PLCH1: variants seen among roughly 807,000 people sequenced by gnomAD.
PLCH1 encodes phospholipase C eta 1.
In PLCH1, 60 loss-of-function variants were observed where a neutral mutation model predicts 126.7. That is an observed-to-expected ratio of 0.47 (90% CI 0.38 to 0.59). PLCH1 has a LOEUF of 0.59. PLCH1 is among the 20% of genes least tolerant of loss of function. The pLI, the probability that PLCH1 is intolerant of heterozygous loss-of-function variation, is 0.00. For missense variants in PLCH1, 1,723 were observed against 2,040.0 expected, an observed-to-expected ratio of 0.84 and a Z score of 2.99; for synonymous variants, 719 against 734.9, an observed-to-expected ratio of 0.98 and a Z score of 0.35.
rs144395061 is a variant in PLCH1, at chr3:155,482,521, T to G, written c.3505A>C (p.Ile1169Leu). The G allele has an allele frequency of 4.3e-5, 69 of 1,614,130 alleles. No homozygotes were observed. Among genetic ancestry groups the G allele is most frequent in the Non-Finnish European group, 5.3e-5 (63 of 1,179,984 alleles). The change falls in exon 23 of 23, where the codon ATT (isoleucine) becomes CTT (leucine). Residue 1169 changes from isoleucine (I) to leucine (L), a missense_variant. This residue lies in a region of PLCH1 where 947 missense variants were observed against 977.1 expected (regional missense o/e 0.97). Coordinates refer to ENST00000460012, the MANE Select transcript of PLCH1 (RefSeq NM_014996.4). The part of the protein sequence containing the change: ...HSTAILQESV[I>L]SHLIDNVTLT... ...GTGACATTGTCAATAAGATGGGAAA[T>G]TACACTCTCCTGCAGAATTGCAGTT...
chr3:155,503,790 G>C (rs113434409), intron 13 of PLCH1, among the ~76,000 whole-genome samples: 1,838 of 152,278 alleles, frequency 0.012, 31 homozygotes, highest in African/African-American at 0.042. Context: ...CACCCACCAA[G>C]GCCTCCCAAA....
intron 2 of PLCH1, among the ~76,000 whole-genome samples, chr3:155,660,945 C>T (rs1742060388): frequency 6.6e-6 from 1 of 152,170 alleles, no homozygotes; most frequent in African/African-American, 2.4e-5. Flanking sequence ...GCTGAAATAC[C>T]TATCTGCCTG....
rs191351390 is a variant in PLCH1, at chr3:155,624,708, G to A, written c.80-28330C>T. 1.6e-4 allele frequency among the ~76,000 whole-genome samples: 24 copies of A among 152,206 alleles called. No homozygotes were observed. The East Asian group carries it at 4.3e-3, about 27-fold the overall frequency. On this transcript the variant is annotated intron_variant, in intron 2 of 22. Transcript: ENST00000460012. ...AAGGGATGTGAAGGACCTCTTCAAGGAGAACTACAAACCACCGCTCAAGGA... is the reference window on the plus strand; with the variant it reads ...AAGGGATGTGAAGGACCTCTTCAAGAAGAACTACAAACCACCGCTCAAGGA...
chr3:155,490,670 A>T (rs151325994), intron 19 of PLCH1, 114 bp downstream of exon 19: 1 of 621,574 alleles, frequency 1.6e-6, no homozygotes, highest in East Asian at 2.7e-5. Flanking sequence ...ATAAACTCAG[A>T]TGGGAGTTAC....
intron 1 of PLCH1, among the ~76,000 whole-genome samples, chr3:155,721,965 T>C (rs998435554): frequency 6.6e-6 from 1 of 151,996 alleles, no homozygotes; most frequent in Non-Finnish European, 1.5e-5. Context: ...GAGAACTGCT[T>C]GAACCTGGGA....
chr3:155,508,991 T>C lies in PLCH1; in HGVS notation c.1633-4365A>G, dbSNP rs1007975439. ...TGTGAATCCATCTGGTCCTGGACTC[T>C]TTTTGGTTGGTAAACTATTGATTAT... On this transcript the variant is annotated intron_variant, in intron 12 of 22. Transcript: ENST00000460012. 5.6e-5 allele frequency among the ~76,000 whole-genome samples: 7 copies of C among 125,274 alleles called. 1 individual carries two copies. The highest frequency in any genetic ancestry group is 8.1e-5 in the Non-Finnish European group (5 of 61,864). 82.2% of individuals were successfully genotyped at this position (125,274 alleles called of 152,430 possible). A position where few individuals can be genotyped will look rare whatever the true frequency, so the allele number is the denominator to read the frequency against.
intron 6 of PLCH1, among the ~76,000 whole-genome samples, chr3:155,569,184 C>A (rs1464629046): frequency 6.6e-6 from 1 of 152,074 alleles, no homozygotes; most frequent in Non-Finnish European, 1.5e-5. Flanking sequence ...TAAACAGCAA[C>A]ATTAAGAATG....
At chr3:155,594,929 G>C (rs760956887) in intron 3 of PLCH1, among the ~76,000 whole-genome samples, 1 of 152,220 alleles carries the variant, frequency 6.6e-6, no homozygotes, top group Non-Finnish European at 1.5e-5. Context: ...AAAGGAAAAA[G>C]AATTTCTGAC....
chr3:155,599,403 A>T (rs891004506), intron 2 of PLCH1, among the ~76,000 whole-genome samples: 1 of 152,152 alleles, frequency 6.6e-6, no homozygotes, highest in Non-Finnish European at 1.5e-5. Context: ...GATCAGAAGA[A>T]AAGAGAAAAG....
At chr3:155,740,642 G>A (rs1257262632) in intron 1 of PLCH1, among the ~76,000 whole-genome samples, 1 of 152,052 alleles carries the variant, frequency 6.6e-6, no homozygotes, top group African/African-American at 2.4e-5. Flanking sequence ...CTTGAGCCCA[G>A]GAGTTCAAAA....
chr3:155,605,759 C>T (rs1734274638), intron 2 of PLCH1, among the ~76,000 whole-genome samples: 2 of 152,286 alleles, frequency 1.3e-5, no homozygotes, highest in Admixed American at 1.3e-4. Context: ...GTTTGTGTGA[C>T]CTTTGCCATT....
chr3:155,553,966 G>A (rs535715845), intron 9 of PLCH1, 110 bp downstream of exon 9: 2 of 914,298 alleles, frequency 2.2e-6, no homozygotes, highest in Admixed American at 2.8e-5. Context: ...GTCTAGCAAA[G>A]AGGGCAGTGT....
rs140845511 is a variant in PLCH1, at chr3:155,531,608, G to C, written c.1363-7604C>G. ...CCACTGCACTCCAACCTGGGTGACA[G>C]AGTGATACTCCATCTCCAAAACCAA... On this transcript the variant is annotated intron_variant, in intron 10 of 22. Transcript: ENST00000460012. Among the ~76,000 whole-genome samples the C allele has an allele frequency of 8.5e-5, 13 of 152,328 alleles. No individual in the cohort carries two copies. The East Asian group carries it at 1.5e-3, about 18-fold the overall frequency.
At chr3:155,485,813 C>T (rs1401273458) in intron 21 of PLCH1, 103 bp from the exon 22 acceptor site, 5 of 684,562 alleles carry the variant, frequency 7.3e-6, no homozygotes, top group African/African-American at 3.6e-5. Flanking sequence ...AAACCAAAAT[C>T]GTACAGCCAT....
chr3:155,685,717 AGC>A, intron 2 of PLCH1, among the ~76,000 whole-genome samples: 1 of 152,234 alleles, frequency 6.6e-6, no homozygotes, highest in African/African-American at 2.4e-5. Context: ...TTCCTAGCCC[AGC>A]ATATAAGTGC....
At chr3:155,477,197 T>C (rs933334775), downstream of PLCH1, among the ~76,000 whole-genome samples, 2 of 152,050 alleles carry the variant, frequency 1.3e-5, no homozygotes, top group Non-Finnish European at 2.9e-5. Flanking sequence ...TGGGTATCTA[T>C]ATACAAGATA....
intron 2 of PLCH1, among the ~76,000 whole-genome samples, chr3:155,632,899 T>C (rs1449439396): frequency 2.6e-5 from 4 of 152,192 alleles, no homozygotes; most frequent in Non-Finnish European, 2.9e-5. Flanking sequence ...CTCCAAAGCC[T>C]ATCCCACTTA....
chr3:155,469,254 C>T (rs1713060946), intron 21 of PLCH1, among the ~76,000 whole-genome samples: 1 of 152,130 alleles, frequency 6.6e-6, no homozygotes, highest in Non-Finnish European at 1.5e-5. Context: ...CGAGGCATTG[C>T]CTCACTTGGG....
intron 6 of PLCH1, among the ~76,000 whole-genome samples, chr3:155,569,091 A>G (rs1486090793): frequency 6.6e-6 from 1 of 152,164 alleles, no homozygotes; most frequent in Non-Finnish European, 1.5e-5. Context: ...AATATTATTG[A>G]GTCAGTCTCA....
Sources: gnomAD v4.1 joint callset for allele counts (sites outside exome capture counted in the v4.1 genomes callset) on GRCh38, gnomAD v4.1.1 for gene constraint, gnomAD v4.1.1 regional missense constraint, MANE v1.5 for transcripts, NCBI Gene and HGNC (gene_info 2026-07-23, HGNC 2026-07-21) for gene names.